Variants in CEP350 observed in about 807,000 individuals in gnomAD.
CEP350 encodes centrosomal protein 350, also known as centrosome-associated protein 350.
In CEP350, 126 loss-of-function variants were observed where a neutral mutation model predicts 331.8. That is an observed-to-expected ratio of 0.38 (90% CI 0.33 to 0.44). The LOEUF (loss-of-function observed/expected upper bound fraction) is 0.44. Among genes scored for constraint, CEP350 ranks in the 20% least tolerant of loss-of-function variants. The pLI is 1.00. For missense variants in CEP350, 3,406 were observed against 3,634.6 expected, an observed-to-expected ratio of 0.94 and a Z score of 1.62; for synonymous variants, 1,200 against 1,259.5, an observed-to-expected ratio of 0.95 and a Z score of 1.00.
At chr1:179,995,666 A>G (rs887277714) in intron 5 of CEP350, among the ~76,000 whole-genome samples, 1 of 152,208 alleles carries the variant, frequency 6.6e-6, no homozygotes, top group African/African-American at 2.4e-5. Context: ...AAATAAAAAT[A>G]GTCTCTGGAG....
Position 179,990,590 on chromosome 1 carries a change from T to C in CEP350, c.204T>C (p.Ser68=). ...CDSVMDTKKS[S]TSATRKISRK... ...CTGTCATGGATACCAAGAAGTCTTC[T>C]ACAAGTGCTACTCGAAAAATAAGTA... Residue 68 remains serine (S), a synonymous_variant, in exon 4 of 38, where the codon TCT becomes TCC. Transcript: ENST00000367607. The C allele has an allele frequency of 6.2e-7, 1 of 1,600,666 alleles. No homozygotes were observed. The highest frequency in any genetic ancestry group is 8.5e-7 in the Non-Finnish European group (1 of 1,171,836).
At chr1:179,979,390 G>GTT (rs34642448) in intron 1 of CEP350, among the ~76,000 whole-genome samples, 9,512 of 129,454 alleles carry the variant, frequency 0.073, 446 homozygotes, top group Middle Eastern at 0.17. Flanking sequence ...TATTTGGGGT[G>GTT]TTTTTTTTTT....
At chr1:180,078,041 C>T (rs1365764173) in intron 28 of CEP350, among the ~76,000 whole-genome samples, 2 of 151,628 alleles carry the variant, frequency 1.3e-5, no homozygotes, top group African/African-American at 4.8e-5. Flanking sequence ...GCTGAGGCAA[C>T]AGAATCACTT....
intron 34 of CEP350, chr1:180,095,298 T>C (rs1445063882): frequency 2.4e-6 from 1 of 424,702 alleles, no homozygotes; most frequent in Non-Finnish European, 4.0e-6. Context: ...TCAATAAACA[T>C]TTTATAAAAA....
At chr1:180,095,462 T>TA (rs937843514) in intron 34 of CEP350, 61 bp from the exon 35 acceptor site, 292 of 1,501,634 alleles carry the variant, frequency 1.9e-4, no homozygotes, top group South Asian at 4.2e-4. Context: ...TGTCTTTTTT[T>TA]AAAAAAAAAT....
At chr1:180,088,444 A>G (rs886892484) in intron 32 of CEP350, among the ~76,000 whole-genome samples, 26 of 151,974 alleles carry the variant, frequency 1.7e-4, no homozygotes, top group African/African-American at 6.3e-4. Flanking sequence ...AAACATTGGC[A>G]TATCATAGAA....
rs1558156279 is a variant in CEP350, at chr1:180,094,338, AAAC to A, written c.8240_8242del (p.Gln2747del). The stretch of plus-strand genomic sequence containing the variant: ...ATCACTAAATGAGGAAAAAAAGTCA[AAAC>A]AACAACTGGAAAAAATCAGCTTACT... On this transcript the variant is annotated inframe_deletion, in exon 34 of 38. Transcript: ENST00000367607. 1.2e-6 allele frequency: 2 copies of A among 1,613,980 alleles called. No homozygotes were observed. The highest frequency in any genetic ancestry group is 1.7e-5 in the Admixed American group (1 of 60,018).
rs753561894 is a variant in CEP350, at chr1:180,093,626, T to C, written c.7521T>C (p.Asn2507=). ...FHIGDRVLIG[N]VQPGILRFKG... ...TTGGTGATAGGGTGTTGATTGGAAA[T>C]GTTCAGCCAGGAATTCTTCGATTCA... Residue 2507 remains asparagine (N), a synonymous_variant, in exon 34 of 38, where the codon AAT becomes AAC. Transcript: ENST00000367607. 3.7e-6 allele frequency: 6 copies of C among 1,613,994 alleles called. No individual in the cohort carries two copies.
rs1259492156 is a variant in CEP350, at chr1:180,111,740, C to A, written c.*579C>A. 1 of 152,616 alleles carries A rather than the reference C, an allele frequency of 6.6e-6. No individual in the cohort carries two copies. The highest frequency in any genetic ancestry group is 1.5e-5 in the Non-Finnish European group (1 of 68,070). The allele number at this position is 152,616 out of a possible 1,614,324, so 9.5% of individuals were successfully genotyped here. A position where few individuals can be genotyped will look rare whatever the true frequency, so the allele number is the denominator to read the frequency against. ...GAGCAGCACCAAGTGGACTGTCAGG[C>A]TAACAGGAATAAGTGGTAGCCTTGC... is the stretch of plus-strand genomic sequence containing the variant. On this transcript the variant is annotated 3_prime_UTR_variant, in exon 38 of 38. Transcript: ENST00000367607.
chr1:180,072,574 A>T (rs554360113), intron 27 of CEP350, among the ~76,000 whole-genome samples: 1 of 152,332 alleles, frequency 6.6e-6, no homozygotes, highest in African/African-American at 2.4e-5. Flanking sequence ...TTAACTTGAA[A>T]TTTAGCAAAA....
intron 6 of CEP350, among the ~76,000 whole-genome samples, chr1:180,000,088 T>C (rs906897702): frequency 9.2e-5 from 14 of 152,190 alleles, no homozygotes; most frequent in Non-Finnish European, 2.9e-5. Context: ...TTAATAAATT[T>C]AACCAGTAAG....
chr1:180,038,616 C>T (rs893571247), intron 17 of CEP350, among the ~76,000 whole-genome samples: 1 of 152,000 alleles, frequency 6.6e-6, no homozygotes, highest in African/African-American at 2.4e-5. Context: ...TTGTAATTTG[C>T]GTTTCTCTTA....
intron 1 of CEP350, among the ~76,000 whole-genome samples, chr1:179,977,187 G>A (rs1300616879): frequency 6.6e-6 from 1 of 152,200 alleles, no homozygotes; most frequent in Non-Finnish European, 1.5e-5. Flanking sequence ...GGTCTTTGTG[G>A]ATCACAGTAG....
At chr1:179,975,761 A>G (rs376840000) in intron 1 of CEP350, among the ~76,000 whole-genome samples, 20 of 152,304 alleles carry the variant, frequency 1.3e-4, no homozygotes, top group East Asian at 1.9e-4. Context: ...TGAGGTGCCA[A>G]TGGTGCTTGG....
intron 1 of CEP350, among the ~76,000 whole-genome samples, chr1:179,962,151 C>T (rs1157683772): frequency 6.6e-6 from 1 of 151,740 alleles, no homozygotes; most frequent in East Asian, 1.9e-4. Context: ...CCGGCCCTTT[C>T]CCACTTTTGG....
chr1:179,960,491 A>C (rs1258072541), intron 1 of CEP350, among the ~76,000 whole-genome samples: 1 of 152,198 alleles, frequency 6.6e-6, no homozygotes, highest in African/African-American at 2.4e-5. Flanking sequence ...ATTTTAATGG[A>C]AACAGCAATA....
Position 179,996,552 on chromosome 1 carries a change from G to C in CEP350, c.396-1G>C. 6.5e-7 allele frequency: 1 copy of C among 1,534,422 alleles called. No homozygotes were observed. Among genetic ancestry groups the C allele is most frequent in the Non-Finnish European group, 8.8e-7 (1 of 1,135,620 alleles). ...ACAGAGCTTATTATTTTTTATTGTA[G>C]GGAAATCCATGGTGCACCTTCCAAT... On this transcript the variant is annotated splice_acceptor_variant, in intron 5 of 37. Coordinates refer to ENST00000367607, the MANE Select transcript of CEP350 (RefSeq NM_014810.5). LOFTEE classifies it high-confidence loss of function.
intron 18 of CEP350, 104 bp downstream of exon 18, chr1:180,041,352 A>G (rs1190964468): frequency 2.5e-6 from 2 of 814,598 alleles, no homozygotes; most frequent in Non-Finnish European, 1.9e-6. Context: ...GTGTATATAT[A>G]AATAATAAAG....
chr1:180,089,138 T>C (rs2149114542), intron 32 of CEP350, among the ~76,000 whole-genome samples: 1 of 152,350 alleles, frequency 6.6e-6, no homozygotes, highest in Non-Finnish European at 1.5e-5. Context: ...GTCATGTTTG[T>C]GTTTACAGAG....
Sources: allele counts gnomAD v4.1 joint callset (sites outside exome capture counted in the v4.1 genomes callset), GRCh38; gene constraint gnomAD v4.1.1; transcripts MANE v1.5; gene names NCBI Gene and HGNC (gene_info 2026-07-23, HGNC 2026-07-21).